LDLRAD3: variants seen among roughly 807,000 people sequenced by gnomAD.
The protein encoded by LDLRAD3 is low density lipoprotein receptor class A domain containing 3, also known as low-density lipoprotein receptor class A domain-containing protein 3.
In LDLRAD3, 20 loss-of-function variants were observed where a neutral mutation model predicts 29.4. The ratio of observed to expected loss-of-function variants is 0.68; its 90% CI spans 0.48 to 0.99. The LOEUF (loss-of-function observed/expected upper bound fraction) is 0.99, where lower values mean the gene tolerates loss of function less well. LDLRAD3 is among the 50% of genes least tolerant of loss of function. LDLRAD3 has a pLI of 0.00. For synonymous variants in LDLRAD3, 157 were observed against 192.7 expected, an observed-to-expected ratio of 0.81 and a Z score of 1.53; for missense variants, 420 against 454.3, an observed-to-expected ratio of 0.92 and a Z score of 0.69.
At chr11:36,172,306 T>A (rs1048710565) in intron 4 of LDLRAD3, among the ~76,000 whole-genome samples, 5 of 152,132 alleles carry the variant, frequency 3.3e-5, no homozygotes, top group Non-Finnish European at 7.3e-5. Context: ...TCTTTGACAA[T>A]TTGGATGCCC....
intron 4 of LDLRAD3, among the ~76,000 whole-genome samples, chr11:36,218,173 A>G (rs1390634452): frequency 6.6e-6 from 1 of 152,216 alleles, no homozygotes; most frequent in East Asian, 1.9e-4. Context: ...CAAAGTAAAT[A>G]TGCATGGTGG....
intron 4 of LDLRAD3, among the ~76,000 whole-genome samples, chr11:36,128,330 G>A (rs907061223): frequency 6.6e-6 from 1 of 151,870 alleles, no homozygotes; most frequent in African/African-American, 2.4e-5. Flanking sequence ...TCCATCTCAC[G>A]CATTTAACCG....
chr11:36,072,022 G>A (rs61878960), intron 2 of LDLRAD3, among the ~76,000 whole-genome samples: 33 of 152,338 alleles, frequency 2.2e-4, no homozygotes, highest in Admixed American at 2.0e-3. Flanking sequence ...CTTTTTCACA[G>A]TGAGCTATGT....
At chr11:36,163,062 C>T (rs928626252) in intron 4 of LDLRAD3, among the ~76,000 whole-genome samples, 3 of 152,206 alleles carry the variant, frequency 2.0e-5, no homozygotes, top group Non-Finnish European at 4.4e-5. Flanking sequence ...TGTTTGATAT[C>T]AGGGTAAACT....
chr11:36,161,087 G>A (rs150068680), intron 4 of LDLRAD3, among the ~76,000 whole-genome samples: 2 of 152,252 alleles, frequency 1.3e-5, no homozygotes, highest in South Asian at 2.1e-4. Context: ...GAGCCACCGC[G>A]CCTGGCCAGA....
At chr11:36,174,566 A>G (rs1854643625) in intron 4 of LDLRAD3, among the ~76,000 whole-genome samples, 1 of 152,244 alleles carries the variant, frequency 6.6e-6, no homozygotes, top group South Asian at 2.1e-4. Flanking sequence ...ATATAAACAG[A>G]CACTTCTCAA....
At chr11:36,077,815 C>A (rs753275674) in intron 2 of LDLRAD3, among the ~76,000 whole-genome samples, 1 of 152,198 alleles carries the variant, frequency 6.6e-6, no homozygotes, top group Non-Finnish European at 1.5e-5. Context: ...CTTCTCTCCT[C>A]TTGTCTGCTG....
At position 36,229,527 on chromosome 11, in the gene LDLRAD3, A is replaced by G. The variant is rs1462900164; in HGVS notation, c.*130A>G. On this transcript the variant is annotated 3_prime_UTR_variant, in exon 6 of 6. Coordinates refer to ENST00000315571, the MANE Select transcript of LDLRAD3 (RefSeq NM_174902.4). Reference sequence around the variant, plus strand: ...CAAGTTACAGTTTGGGATATTAACTATCTCTGCATTCCCCTCCTCCCCCAG... The same window carrying G: ...CAAGTTACAGTTTGGGATATTAACTGTCTCTGCATTCCCCTCCTCCCCCAG... 7.4e-6 allele frequency: 5 copies of G among 672,424 alleles called. No individual in the cohort carries two copies. The highest frequency in any genetic ancestry group is 1.0e-5 in the Non-Finnish European group (4 of 383,720). The allele number at this position is 672,424 out of a possible 1,614,324, so 41.7% of individuals were successfully genotyped here.
intron 2 of LDLRAD3, among the ~76,000 whole-genome samples, chr11:36,055,589 A>G (rs1432891451): frequency 6.6e-6 from 1 of 152,220 alleles, no homozygotes; most frequent in Non-Finnish European, 1.5e-5. Flanking sequence ...TCGGCCCAGA[A>G]GGGCCAGTCT....
intron 2 of LDLRAD3, among the ~76,000 whole-genome samples, chr11:36,046,019 C>T (rs996605360): frequency 2.6e-5 from 4 of 151,974 alleles, no homozygotes; most frequent in Non-Finnish European, 4.4e-5. Flanking sequence ...TGTGTCTATG[C>T]ATACCCATTG....
intron 3 of LDLRAD3, among the ~76,000 whole-genome samples, chr11:36,083,213 A>G (rs557342632): frequency 6.6e-6 from 1 of 152,342 alleles, no homozygotes; most frequent in South Asian, 2.1e-4. Context: ...TCTGGTGTTG[A>G]ACATTCTATG....
At chr11:36,066,305 A>C (rs772953819) in intron 2 of LDLRAD3, among the ~76,000 whole-genome samples, 2 of 152,026 alleles carry the variant, frequency 1.3e-5, no homozygotes, top group African/African-American at 2.4e-5. Context: ...CTCTGTGCTC[A>C]CATCTGGTCT....
intron 1 of LDLRAD3, among the ~76,000 whole-genome samples, chr11:36,018,484 A>G (rs1852051491): frequency 6.6e-6 from 1 of 152,132 alleles, no homozygotes; most frequent in African/African-American, 2.4e-5. Flanking sequence ...TCATTTACCT[A>G]TCTCCTCTTA....
At chr11:35,962,077 T>TCATTTTCA (rs1210208293) in intron 1 of LDLRAD3, among the ~76,000 whole-genome samples, 1 of 152,232 alleles carries the variant, frequency 6.6e-6, no homozygotes, top group Non-Finnish European at 1.5e-5. Context: ...TGGTGACTCC[T>TCATTTTCA]CATTTTCACA....
At chr11:36,161,029 A>C (rs948288340) in intron 4 of LDLRAD3, among the ~76,000 whole-genome samples, 2 of 152,190 alleles carry the variant, frequency 1.3e-5, no homozygotes, top group Non-Finnish European at 2.9e-5. Context: ...GCCTGACCTC[A>C]GGTGATCTGC....
intron 1 of LDLRAD3, among the ~76,000 whole-genome samples, chr11:36,030,693 A>G (rs1294841622): frequency 2.6e-5 from 4 of 152,194 alleles, no homozygotes; most frequent in Non-Finnish European, 4.4e-5. Flanking sequence ...TTGAGCCTTC[A>G]GATCCAGATT....
At chr11:36,141,305 C>G (rs1393877712) in intron 4 of LDLRAD3, among the ~76,000 whole-genome samples, 1 of 152,152 alleles carries the variant, frequency 6.6e-6, no homozygotes, top group Non-Finnish European at 1.5e-5. Context: ...CAGTGATTTA[C>G]ACTCTCCATA....
intron 4 of LDLRAD3, among the ~76,000 whole-genome samples, chr11:36,145,877 G>C (rs1242961996): frequency 4.6e-5 from 7 of 151,860 alleles, no homozygotes; most frequent in Admixed American, 2.0e-4. Context: ...GCGGAAGGCT[G>C]CAGGGTCCTC....
intron 4 of LDLRAD3, among the ~76,000 whole-genome samples, chr11:36,117,872 TG>T (rs1208721630): frequency 1.3e-5 from 2 of 151,816 alleles, no homozygotes; most frequent in Non-Finnish European, 2.9e-5. Flanking sequence ...AGCTGGAGAG[TG>T]GAAATAAGTG....
Sources: allele counts gnomAD v4.1 joint callset (sites outside exome capture counted in the v4.1 genomes callset), GRCh38; gene constraint gnomAD v4.1.1; transcripts MANE v1.5; gene names NCBI Gene and HGNC (gene_info 2026-07-23, HGNC 2026-07-21).